The following FBXW7 variants were observed in gnomAD, a reference collection of about 807,000 sequenced individuals.
The protein encoded by FBXW7 is F-box and WD repeat domain containing 7.
FBXW7 carries 11 observed loss-of-function variants against 86.3 expected under a neutral mutation model. The ratio of observed to expected loss-of-function variants is 0.13; its 90% CI spans 0.08 to 0.21. The LOEUF is 0.21. Ranked by LOEUF, FBXW7 falls within the 10% of genes least tolerant of loss-of-function variation. The probability of loss-of-function intolerance (pLI) is 1.00; values close to 1 mark genes in which losing one functional copy is unlikely to be tolerated. For missense variants in FBXW7, 488 were observed against 847.4 expected, an observed-to-expected ratio of 0.58 and a Z score of 5.27; for synonymous variants, 313 against 297.9, an observed-to-expected ratio of 1.05 and a Z score of -0.52.
chr4:152,443,855 T>C (rs1402444591), intron 2 of FBXW7, among the ~76,000 whole-genome samples: 1 of 152,232 alleles, frequency 6.6e-6, no homozygotes, highest in Non-Finnish European at 1.5e-5. Context: ...CCCTGTTTTA[T>C]TAATTTACTT....
intron 6 of FBXW7, among the ~76,000 whole-genome samples, chr4:152,338,654 A>C (rs1730405202): frequency 6.6e-6 from 1 of 152,010 alleles, no homozygotes; most frequent in East Asian, 1.9e-4. Flanking sequence ...ACATCAGGGG[A>C]TTATCTTAAA....
intron 2 of FBXW7, among the ~76,000 whole-genome samples, chr4:152,491,409 A>G (rs569220731): frequency 2.0e-5 from 3 of 152,134 alleles, no homozygotes; most frequent in African/African-American, 2.4e-5. Flanking sequence ...GTAGAGGTTG[A>G]TAATAGTTAA....
chr4:152,395,322 G>A (rs948000714), intron 4 of FBXW7, among the ~76,000 whole-genome samples: 2 of 152,014 alleles, frequency 1.3e-5, no homozygotes, highest in Non-Finnish European at 2.9e-5. Flanking sequence ...AAAAATACTG[G>A]TGCAGACACT....
intron 2 of FBXW7, among the ~76,000 whole-genome samples, chr4:152,499,566 C>A (rs766607657): frequency 2.0e-5 from 3 of 152,072 alleles, no homozygotes; most frequent in Non-Finnish European, 4.4e-5. Context: ...AGAGACTTAT[C>A]AGTTATTGCA....
intron 2 of FBXW7, among the ~76,000 whole-genome samples, chr4:152,459,585 G>A (rs1215645236): frequency 5.3e-5 from 8 of 152,094 alleles, no homozygotes; most frequent in Non-Finnish European, 7.4e-5. Flanking sequence ...CCAAACCAAG[G>A]GGTAGGGCAG....
At chr4:152,421,143 C>T (rs1341069448) in intron 2 of FBXW7, among the ~76,000 whole-genome samples, 1 of 152,124 alleles carries the variant, frequency 6.6e-6, no homozygotes, top group Non-Finnish European at 1.5e-5. Context: ...CTTGTACTTA[C>T]ATGTTATCGA....
intron 12 of FBXW7, chr4:152,324,663 A>C: frequency 2.6e-6 from 1 of 378,650 alleles, no homozygotes; most frequent in East Asian, 4.8e-5. Flanking sequence ...ATGAAAACAA[A>C]GCACCTAAAA....
At chr4:152,517,251 A>T (rs1748579809) in intron 2 of FBXW7, among the ~76,000 whole-genome samples, 2 of 152,104 alleles carry the variant, frequency 1.3e-5, no homozygotes, top group African/African-American at 2.4e-5. Flanking sequence ...GAGATCTAGC[A>T]TGGCCACATT....
intron 2 of FBXW7, among the ~76,000 whole-genome samples, chr4:152,499,854 T>G (rs1746753794): frequency 6.6e-6 from 1 of 152,102 alleles, no homozygotes; most frequent in Non-Finnish European, 1.5e-5. Context: ...TAAAGTAGGA[T>G]CTTAATAGGC....
intron 2 of FBXW7, among the ~76,000 whole-genome samples, chr4:152,533,640 T>C (rs956544880): frequency 1.3e-5 from 2 of 152,146 alleles, no homozygotes; most frequent in East Asian, 1.9e-4. Flanking sequence ...TCCATAAAAT[T>C]AAGAAAAGAT....
At chr4:152,425,355 CCTAA>C (rs1372573837) in intron 2 of FBXW7, among the ~76,000 whole-genome samples, 1 of 152,186 alleles carries the variant, frequency 6.6e-6, no homozygotes, top group Non-Finnish European at 1.5e-5. Flanking sequence ...TCTCACATAT[CCTAA>C]CTCTTAATTA....
chr4:152,342,881 C>T (rs1329411145), intron 6 of FBXW7, among the ~76,000 whole-genome samples: 1 of 152,164 alleles, frequency 6.6e-6, no homozygotes, highest in Admixed American at 6.5e-5. Flanking sequence ...TCTTCTCTAG[C>T]TAAATACATG....
At chr4:152,397,060 G>A (rs1736479566) in intron 4 of FBXW7, among the ~76,000 whole-genome samples, 1 of 151,950 alleles carries the variant, frequency 6.6e-6, no homozygotes. Context: ...GTCTTTAAGA[G>A]TGAATTATTG....
At chr4:152,327,479 T>C (rs1729152652) in intron 11 of FBXW7, among the ~76,000 whole-genome samples, 1 of 151,862 alleles carries the variant, frequency 6.6e-6, no homozygotes, top group East Asian at 1.9e-4. Context: ...ATGACGATAA[T>C]AGAAAGATAG....
At position 152,535,724 on chromosome 4, in the gene FBXW7, G is replaced by A. The variant is rs1004441809; in HGVS notation, c.-810C>T. On this transcript the variant is annotated 5_prime_UTR_variant, in exon 1 of 14. Coordinates refer to ENST00000281708, the MANE Select transcript of FBXW7 (RefSeq NM_001349798.2). The stretch of plus-strand genomic sequence containing the variant: ...CCCACGGGACGAGGCAGAAGCTCTG[G>A]CGCCTCCTCAGCGTTCTCTCACCGC... 2.5e-6 allele frequency: 1 copy of A among 395,308 alleles called. No homozygotes were observed. Among genetic ancestry groups the A allele is most frequent in the Non-Finnish European group, 4.5e-6 (1 of 223,748 alleles). 24.5% of individuals were successfully genotyped at this position (395,308 alleles called of 1,614,324 possible).
chr4:152,456,961 C>A (rs1307724248), intron 2 of FBXW7, among the ~76,000 whole-genome samples: 1 of 152,104 alleles, frequency 6.6e-6, no homozygotes, highest in Admixed American at 6.5e-5. Context: ...ATAACCCAAT[C>A]CAGCAATAAC....
intron 4 of FBXW7, among the ~76,000 whole-genome samples, chr4:152,357,092 C>T (rs76007807): frequency 1.3e-5 from 2 of 152,002 alleles, no homozygotes; most frequent in African/African-American, 4.8e-5. Flanking sequence ...AGCTTTAGTT[C>T]AAAACTACCA....
chr4:152,516,404 GA>G (rs1748502418), intron 2 of FBXW7, among the ~76,000 whole-genome samples: 2 of 152,320 alleles, frequency 1.3e-5, no homozygotes, highest in Admixed American at 6.5e-5. Context: ...TGCTCCTTAA[GA>G]GAACCTAATG....
In FBXW7 at chr4:152,435,139, G is replaced by A. The variant is rs538587716; in HGVS notation, c.-119-22610C>T. On this transcript the variant is annotated intron_variant, in intron 2 of 13. Coordinates refer to ENST00000281708, the MANE Select transcript of FBXW7 (RefSeq NM_001349798.2). ...TGATGCACCATCCCCTACCAAACAC[G>A]TAAGTATGCATTTCTTATAAAAAGG... Among the ~76,000 whole-genome samples, 17 of 144,082 alleles carry A rather than the reference G, an allele frequency of 1.2e-4. No individual in the cohort carries two copies. The East Asian group carries it at 2.9e-3, about 24-fold the overall frequency. The allele number at this position is 144,082 out of a possible 152,430, so 94.5% of individuals were successfully genotyped here.
Sources: gnomAD v4.1 joint callset for allele counts (sites outside exome capture counted in the v4.1 genomes callset) on GRCh38, gnomAD v4.1.1 for gene constraint, MANE v1.5 for transcripts, NCBI Gene and HGNC (gene_info 2026-07-23, HGNC 2026-07-21) for gene names.